The following MTOR variants were observed in gnomAD, a reference collection of about 807,000 sequenced individuals.
The protein encoded by MTOR is mechanistic target of rapamycin kinase, also known as serine/threonine-protein kinase mTOR.
Under a neutral mutation model 319.8 loss-of-function variants are expected in MTOR, and 70 were observed. The observed-to-expected ratio is 0.22, with a 90% CI of 0.18 to 0.27. MTOR has a LOEUF of 0.27. MTOR is among the 10% of genes least tolerant of loss of function. The pLI, the probability that MTOR is intolerant of heterozygous loss-of-function variation, is 1.00. For synonymous variants in MTOR, 1,183 were observed against 1,211.4 expected, an observed-to-expected ratio of 0.98 and a Z score of 0.49; for missense variants, 1,890 against 3,274.4, an observed-to-expected ratio of 0.58 and a Z score of 10.32.
At chr1:11,140,302 C>A (rs1643630927) in intron 34 of MTOR, among the ~76,000 whole-genome samples, 1 of 124,406 alleles carries the variant, frequency 8.0e-6, no homozygotes, top group African/African-American at 3.2e-5. Flanking sequence ...ACAATTATTC[C>A]ACAGATTGGG....
rs1643373806 is a variant in MTOR at position 11,135,691 on chromosome 1, G to C, written c.5131-1225C>G. On this transcript the variant is annotated intron_variant, in intron 36 of 57. Coordinates refer to ENST00000361445, the MANE Select transcript of MTOR (RefSeq NM_004958.4). The stretch of plus-strand genomic sequence containing the variant: ...CTACCAAAAATACAAAAATTAGCCG[G>C]GCGTGGTGGGGCGCGCCTGTAATCC... Among the ~76,000 whole-genome samples the C allele has an allele frequency of 2.0e-5, 3 of 151,382 alleles. No individual in the cohort carries two copies. In the South Asian group the frequency reaches 6.3e-4, roughly 32 times the overall value.
intron 49 of MTOR, among the ~76,000 whole-genome samples, chr1:11,120,008 T>C (rs1642423642): frequency 6.8e-6 from 1 of 147,820 alleles, no homozygotes; most frequent in Non-Finnish European, 1.5e-5. Flanking sequence ...GGCAGGAGGA[T>C]AGCTTAAGAC....
chr1:11,197,839 G>A (rs1363191616), intron 28 of MTOR, among the ~76,000 whole-genome samples: 3 of 152,082 alleles, frequency 2.0e-5, no homozygotes, highest in Non-Finnish European at 2.9e-5. Flanking sequence ...TACCCCGCCC[G>A]GCCTGGAACA....
At chr1:11,155,323 C>T (rs1644283956) in intron 30 of MTOR, among the ~76,000 whole-genome samples, 1 of 152,010 alleles carries the variant, frequency 6.6e-6, no homozygotes, top group Non-Finnish European at 1.5e-5. Context: ...AGCACATTGC[C>T]GTCAATGTAC....
intron 8 of MTOR, among the ~76,000 whole-genome samples, chr1:11,247,019 G>A (rs933740708): frequency 2.6e-4 from 39 of 152,190 alleles, no homozygotes; most frequent in African/African-American, 9.4e-4. Context: ...GGAAGCTGAG[G>A]CCCAGGTAGG....
At chr1:11,189,736 A>G (rs1645451905) in intron 28 of MTOR, 1 of 1,614,076 alleles carries the variant, frequency 6.2e-7, no homozygotes, top group East Asian at 2.2e-5. Flanking sequence ...GAAGGAGCTC[A>G]AGGCCCAAGT....
chr1:11,256,910 T>A (rs750833177), intron 4 of MTOR, 23 bp downstream of exon 4: 68 of 1,607,332 alleles, frequency 4.2e-5, no homozygotes, highest in Non-Finnish European at 5.5e-5. Context: ...AGCCTGGCTG[T>A]GCTCCTCCCT....
At chr1:11,118,200 GTTACGCCTTAAA>G (rs901306279) in intron 49 of MTOR, among the ~76,000 whole-genome samples, 2 of 144,980 alleles carry the variant, frequency 1.4e-5, no homozygotes, top group African/African-American at 5.2e-5. Context: ...AAAAAATAAA[GTTACGCCTTAAA>G]TTCCAAACTT....
chr1:11,260,815 A>G (rs1651016009), intron 1 of MTOR, among the ~76,000 whole-genome samples: 1 of 144,374 alleles, frequency 6.9e-6, no homozygotes. Flanking sequence ...TTTGAGACAG[A>G]GTCTCGCTCT....
intron 26 of MTOR, among the ~76,000 whole-genome samples, chr1:11,201,485 A>G (rs1437243793): frequency 6.6e-6 from 1 of 152,226 alleles, no homozygotes; most frequent in Non-Finnish European, 1.5e-5. Context: ...ATATATCATA[A>G]CAGCAAACCA....
chr1:11,121,509 T>C lies in MTOR; in HGVS notation c.6811-141A>G, dbSNP rs1484281565. ...CCAAAGGAGAAGGGAAATAAGAACA[T>C]GGCAAAAGGAGAAACGAAGTGACCA... is the stretch of plus-strand genomic sequence containing the variant. On this transcript the variant is annotated intron_variant, in intron 48 of 57. Transcript: ENST00000361445. The surrounding 1 kb of genome is among the most constrained non-coding windows in gnomAD (Gnocchi z 4.9). The C allele has an allele frequency of 1.2e-5, 14 of 1,205,980 alleles. No homozygotes were observed. The highest frequency in any genetic ancestry group is 2.0e-4 in the Middle Eastern group (1 of 4,906). 74.7% of individuals were successfully genotyped at this position (1,205,980 alleles called of 1,614,324 possible).
At chr1:11,195,014 C>A in intron 28 of MTOR, 1 of 1,613,584 alleles carries the variant, frequency 6.2e-7, no homozygotes, top group South Asian at 1.1e-5. Context: ...CAGAAGACTT[C>A]AAGCCTTAAA....
chr1:11,115,151 T>C lies in MTOR; in HGVS notation c.7089+245A>G, dbSNP rs1446235200. ...CGTGTCCAGGCTCTTGGGCAACAGG[T>C]GGTATGGAGGGTAGGGGCCTACTCT... is the stretch of plus-strand genomic sequence containing the variant. On this transcript the variant is annotated intron_variant, in intron 51 of 57. Coordinates refer to ENST00000361445, the MANE Select transcript of MTOR (RefSeq NM_004958.4). The surrounding 1 kb of genome is among the most constrained non-coding windows in gnomAD (Gnocchi z 4.5). Among the ~76,000 whole-genome samples, 1 of 149,684 alleles carries C rather than the reference T, an allele frequency of 6.7e-6. No individual in the cohort carries two copies. Among genetic ancestry groups the C allele is most frequent in the East Asian group, 2.0e-4 (1 of 5,092 alleles).
intron 30 of MTOR, among the ~76,000 whole-genome samples, chr1:11,153,810 C>A (rs188584001): frequency 8.1e-4 from 123 of 151,942 alleles, no homozygotes; most frequent in African/African-American, 2.9e-3. Context: ...GGCTCACACC[C>A]GTAATCCTAG....
rs972179190 is a variant in MTOR, at chr1:11,106,890, C to T, written c.*595G>A. On this transcript the variant is annotated 3_prime_UTR_variant, in exon 58 of 58. Coordinates refer to ENST00000361445, the MANE Select transcript of MTOR (RefSeq NM_004958.4). Reference sequence around the variant, plus strand: ...CTAGCGGTCAGGTCTTGAATTGAAGCGTGTGAGTCGCAGCATCACTGGGTC... The same window carrying T: ...CTAGCGGTCAGGTCTTGAATTGAAGTGTGTGAGTCGCAGCATCACTGGGTC... 7 of 1,359,408 alleles carry T rather than the reference C, an allele frequency of 5.1e-6. No homozygotes were observed. Among genetic ancestry groups the T allele is most frequent in the Middle Eastern group, 2.5e-4 (1 of 3,984 alleles). The allele number at this position is 1,359,408 out of a possible 1,614,324, so 84.2% of individuals were successfully genotyped here.
intron 4 of MTOR, 84 bp from the exon 5 acceptor site, chr1:11,256,276 C>A: frequency 6.6e-7 from 1 of 1,514,986 alleles, no homozygotes. Context: ...ATCTTAGAGC[C>A]ATACACACCA....
intron 32 of MTOR, 120 bp downstream of exon 32, chr1:11,146,556 T>C: frequency 2.7e-6 from 2 of 733,048 alleles, no homozygotes; most frequent in Non-Finnish European, 4.8e-6. Flanking sequence ...TCAAATGTAC[T>C]CACAGAGCCG....
intron 34 of MTOR, among the ~76,000 whole-genome samples, chr1:11,141,126 CT>C (rs907350212): frequency 5.3e-5 from 8 of 151,024 alleles, no homozygotes; most frequent in African/African-American, 1.5e-4. Flanking sequence ...ATTCTTCTTT[CT>C]TTTTTTTTGA....
At chr1:11,219,994 C>T (rs1181233000) in intron 19 of MTOR, among the ~76,000 whole-genome samples, 1 of 140,776 alleles carries the variant, frequency 7.1e-6, no homozygotes, top group Non-Finnish European at 1.5e-5. Context: ...GATCGTACCA[C>T]TGCATTCCGG....
Sources: gnomAD v4.1 joint callset for allele counts (sites outside exome capture counted in the v4.1 genomes callset) on GRCh38, gnomAD v4.1.1 for gene constraint, Gnocchi (gnomAD v3.1) non-coding constraint, MANE v1.5 for transcripts, NCBI Gene and HGNC (gene_info 2026-07-23, HGNC 2026-07-21) for gene names.